SLC4A4: variants seen among roughly 807,000 people sequenced by gnomAD.
SLC4A4 encodes solute carrier family 4 member 4.
A neutral mutation model predicts 111.5 loss-of-function variants in SLC4A4; 27 were observed. The ratio of observed to expected loss-of-function variants is 0.24; its 90% CI spans 0.18 to 0.33. The LOEUF (loss-of-function observed/expected upper bound fraction) is 0.33, where lower values mean the gene tolerates loss of function less well. Ranked by LOEUF, SLC4A4 falls within the 10% of genes least tolerant of loss-of-function variation. The pLI, the probability that SLC4A4 is intolerant of heterozygous loss-of-function variation, is 1.00. For synonymous variants in SLC4A4, 443 were observed against 463.4 expected, an observed-to-expected ratio of 0.96 and a Z score of 0.57; for missense variants, 909 against 1,315.5, an observed-to-expected ratio of 0.69 and a Z score of 4.78.
At position 71,397,641 on chromosome 4, in the gene SLC4A4, G is replaced by A. The variant is rs532086588; in HGVS notation, c.795G>A (p.Pro265=). Residue 265 remains proline (P), a synonymous_variant, in exon 7 of 26, where the codon CCG becomes CCA. Coordinates refer to ENST00000264485, the MANE Select transcript of SLC4A4 (RefSeq NM_001098484.3). Reference sequence around the variant, plus strand: ...GTCTGAATGACATTTCTGATAAACCGGAGAAGGACCAGGTAAGCAAAAAAT... The same window carrying A: ...GTCTGAATGACATTTCTGATAAACCAGAGAAGGACCAGGTAAGCAAAAAAT... ...SSSLNDISDK[P]EKDQLKNKFM... is the part of the protein sequence containing the mutation. 25 of 1,613,754 alleles carry A rather than the reference G, an allele frequency of 1.5e-5. No homozygotes were observed. Among genetic ancestry groups the A allele is most frequent in the East Asian group, 6.7e-5 (3 of 44,872 alleles).
At chr4:71,324,298 T>A (rs1263531400) in intron 3 of SLC4A4, among the ~76,000 whole-genome samples, 1 of 151,998 alleles carries the variant, frequency 6.6e-6, no homozygotes, top group Non-Finnish European at 1.5e-5. Context: ...TAGGTCACCA[T>A]TGAGGCTGCT....
intron 6 of SLC4A4, among the ~76,000 whole-genome samples, chr4:71,370,122 A>G (rs974553059): frequency 2.0e-5 from 3 of 152,222 alleles, no homozygotes; most frequent in African/African-American, 7.2e-5. Flanking sequence ...ATGTTATGCT[A>G]TTTAATTTTC....
chr4:71,538,997 T>C (rs149229598), intron 18 of SLC4A4, among the ~76,000 whole-genome samples: 10 of 152,160 alleles, frequency 6.6e-5, no homozygotes, highest in African/African-American at 2.2e-4. Context: ...GAGAGTGTTA[T>C]AGATTGGGGG....
In SLC4A4 at chr4:71,157,470, G is replaced by T. The variant is rs539694377; in HGVS notation, c.-2+64678G>T. On this transcript the variant is annotated intron_variant, in intron 2 of 26. Transcript: ENST00000649996. ...TATATATTTCTGAATCAAATTTTAAGATTTTTTATGTCTAGATCTTTTGCA... is the reference window on the plus strand; with the variant it reads ...TATATATTTCTGAATCAAATTTTAATATTTTTTATGTCTAGATCTTTTGCA... Among the ~76,000 whole-genome samples, 519 of 152,058 alleles carry T rather than the reference G, an allele frequency of 3.4e-3. 1 individual carries two copies. Among genetic ancestry groups the T allele is most frequent in the Non-Finnish European group, 4.0e-3 (269 of 67,968 alleles).
At chr4:71,229,962 G>A (rs1028841926) in intron 1 of SLC4A4, among the ~76,000 whole-genome samples, 7 of 151,950 alleles carry the variant, frequency 4.6e-5, no homozygotes, top group South Asian at 2.1e-4. Context: ...CTTCCCTGTC[G>A]CCTGGGGCTT....
At chr4:71,317,075 C>CGTGTGTGTGT (rs3039073) in intron 3 of SLC4A4, among the ~76,000 whole-genome samples, 28 of 147,482 alleles carry the variant, frequency 1.9e-4, no homozygotes, top group African/African-American at 6.3e-4. Flanking sequence ...TGTGTGTGTG[C>CGTGTGTGTGT]GTGTGTGTGT....
At chr4:71,248,172 A>G (rs1720812993) in intron 2 of SLC4A4, among the ~76,000 whole-genome samples, 1 of 152,068 alleles carries the variant, frequency 6.6e-6, no homozygotes, top group South Asian at 2.1e-4. Context: ...AATGTTCTGG[A>G]GAACAAAGAG....
At chr4:71,426,029 G>T (rs1030815035) in intron 7 of SLC4A4, among the ~76,000 whole-genome samples, 1 of 152,002 alleles carries the variant, frequency 6.6e-6, no homozygotes, top group Non-Finnish European at 1.5e-5. Context: ...TATATCAAAG[G>T]AATATATTTT....
At chr4:71,255,437 C>T in intron 3 of SLC4A4, 38 bp downstream of exon 3, 2 of 1,602,466 alleles carry the variant, frequency 1.2e-6, no homozygotes, top group South Asian at 1.1e-5. Flanking sequence ...CTCTCTGCCT[C>T]ACTCCCACAT....
intron 6 of SLC4A4, among the ~76,000 whole-genome samples, chr4:71,376,449 C>A (rs956090828): frequency 1.3e-5 from 2 of 151,042 alleles, no homozygotes; most frequent in South Asian, 2.1e-4. Context: ...GTGATCCACC[C>A]GCCTCAGCCT....
chr4:71,173,653 G>A (rs1578550206), intron 2 of SLC4A4, among the ~76,000 whole-genome samples: 2 of 152,246 alleles, frequency 1.3e-5, no homozygotes, highest in South Asian at 4.2e-4. Flanking sequence ...GGGATTACAG[G>A]CATAAGCCAC....
At chr4:71,327,278 C>T (rs912549175) in intron 3 of SLC4A4, among the ~76,000 whole-genome samples, 2 of 152,012 alleles carry the variant, frequency 1.3e-5, no homozygotes, top group African/African-American at 4.8e-5. Flanking sequence ...ACTGTGATTT[C>T]CGTGTCTTCT....
intron 2 of SLC4A4, among the ~76,000 whole-genome samples, chr4:71,125,387 A>G (rs1485863059): frequency 6.6e-6 from 1 of 152,234 alleles, no homozygotes; most frequent in Non-Finnish European, 1.5e-5. Context: ...AGCCTGGCCA[A>G]CATGGCAAAA....
At chr4:71,300,860 C>A (rs1725195875) in intron 3 of SLC4A4, 3 of 478,918 alleles carry the variant, frequency 6.3e-6, no homozygotes, top group East Asian at 5.7e-5. Flanking sequence ...TGGAACAGGG[C>A]CCGCTTCCAA....
Position 71,152,512 on chromosome 4 carries a change from A to C in SLC4A4, c.-2+59720A>C, listed in dbSNP as rs557209879. Among the ~76,000 whole-genome samples, 9 of 152,326 alleles carry C rather than the reference A, an allele frequency of 5.9e-5. No homozygotes were observed. The East Asian group carries it at 1.3e-3, about 23-fold the overall frequency. On this transcript the variant is annotated intron_variant, in intron 2 of 26. Transcript: ENST00000649996. ...TGTGCACATGTAGCTCATCGTTTTC[A>C]TATCTGTATAATAATCCATTGTTTG...
intron 2 of SLC4A4, among the ~76,000 whole-genome samples, chr4:71,100,556 C>A (rs1053776517): frequency 2.0e-5 from 3 of 152,086 alleles, no homozygotes; most frequent in African/African-American, 7.2e-5. Context: ...ATGCCCTTTC[C>A]CACAACATCT....
chr4:71,107,308 T>G (rs1742958796), intron 2 of SLC4A4, among the ~76,000 whole-genome samples: 1 of 152,208 alleles, frequency 6.6e-6, no homozygotes, highest in African/African-American at 2.4e-5. Flanking sequence ...GTCCTTCATT[T>G]CCGGCATTAC....
intron 12 of SLC4A4, among the ~76,000 whole-genome samples, chr4:71,465,259 C>T (rs1727202384): frequency 6.6e-6 from 1 of 151,998 alleles, no homozygotes; most frequent in Admixed American, 6.6e-5. Flanking sequence ...GTTTTATCTA[C>T]CACTGCATAT....
intron 2 of SLC4A4, among the ~76,000 whole-genome samples, chr4:71,096,904 C>T (rs1163875082): frequency 6.6e-6 from 1 of 152,112 alleles, no homozygotes; most frequent in East Asian, 1.9e-4. Context: ...TAATCATCAC[C>T]TCCAAAAAAG....
Sources: allele counts gnomAD v4.1 joint callset (sites outside exome capture counted in the v4.1 genomes callset), GRCh38; gene constraint gnomAD v4.1.1; transcripts MANE v1.5; gene names NCBI Gene and HGNC (gene_info 2026-07-23, HGNC 2026-07-21).